LRRC28: variants seen among roughly 807,000 people sequenced by gnomAD.
The protein encoded by LRRC28 is leucine-rich repeat-containing protein 28.
LRRC28 carries 39 observed loss-of-function variants against 45.7 expected under a neutral mutation model. The observed-to-expected ratio is 0.85, with a 90% CI of 0.66 to 1.12. The LOEUF (loss-of-function observed/expected upper bound fraction) is 1.12, where lower values mean the gene tolerates loss of function less well. LRRC28 is among the 50% of genes most tolerant of loss of function. The probability of loss-of-function intolerance (pLI) is 0.00; values close to 1 mark genes in which losing one functional copy is unlikely to be tolerated. For synonymous variants in LRRC28, 206 were observed against 178.8 expected, an observed-to-expected ratio of 1.15 and a Z score of -1.22; for missense variants, 435 against 438.5, an observed-to-expected ratio of 0.99 and a Z score of 0.07.
intron 5 of LRRC28, among the ~76,000 whole-genome samples, chr15:99,309,443 C>G (rs1287352351): frequency 1.3e-5 from 2 of 152,140 alleles, no homozygotes; most frequent in Non-Finnish European, 2.9e-5. Context: ...GAGTCTCGCT[C>G]TGTCGCCAAG....
At chr15:99,326,154 C>G (rs1955968755) in intron 5 of LRRC28, among the ~76,000 whole-genome samples, 1 of 151,746 alleles carries the variant, frequency 6.6e-6, no homozygotes, top group African/African-American at 2.4e-5. Flanking sequence ...CAGTGGTGTT[C>G]CCAGATTTGG....
chr15:99,282,179 T>TTTTTTTTTTTTTTTTTTTTTTTTTTTTTG (rs1298401897), intron 3 of LRRC28, among the ~76,000 whole-genome samples: 1 of 135,460 alleles, frequency 7.4e-6, no homozygotes, highest in African/African-American at 2.8e-5. Context: ...TTTTGGAGGT[T>TTTTTTTTTTTTTTTTTTTTTTTTTTTTTG]TTTTTTTTTT....
chr15:99,335,636 C>A (rs555112560), intron 6 of LRRC28, among the ~76,000 whole-genome samples: 1 of 152,222 alleles, frequency 6.6e-6, no homozygotes, highest in Admixed American at 6.5e-5. Flanking sequence ...CCACTGCACT[C>A]CAGCCTGGGC....
chr15:99,383,971 A>G (rs539169765), intron 9 of LRRC28, among the ~76,000 whole-genome samples: 1 of 152,274 alleles, frequency 6.6e-6, no homozygotes, highest in South Asian at 2.1e-4. Context: ...GCCTGATCCA[A>G]TCTTACATTC....
chr15:99,290,047 C>G (rs564220178), intron 5 of LRRC28, among the ~76,000 whole-genome samples: 53 of 149,518 alleles, frequency 3.5e-4, no homozygotes, highest in Admixed American at 3.5e-3. Context: ...CACCTGAGGT[C>G]AGGAGTTCGA....
At chr15:99,369,335 A>G (rs1332272863) in intron 9 of LRRC28, among the ~76,000 whole-genome samples, 1 of 152,144 alleles carries the variant, frequency 6.6e-6, no homozygotes, top group East Asian at 1.9e-4. Context: ...GGTATTTGTC[A>G]CAGCAGCATC....
chr15:99,281,671 A>G (rs2081796547), intron 3 of LRRC28, among the ~76,000 whole-genome samples: 1 of 152,098 alleles, frequency 6.6e-6, no homozygotes, highest in East Asian at 1.9e-4. Flanking sequence ...TAAAGTTTGC[A>G]TTTTTGAGAG....
chr15:99,361,203 C>A (rs1957190094), intron 7 of LRRC28, 133 bp from the exon 8 acceptor site: 3 of 1,114,554 alleles, frequency 2.7e-6, no homozygotes, highest in South Asian at 3.4e-5. Context: ...AGCATCTGTT[C>A]ACTTTGAAAA....
At chr15:99,317,303 T>A (rs1201444637) in intron 5 of LRRC28, among the ~76,000 whole-genome samples, 1 of 152,206 alleles carries the variant, frequency 6.6e-6, no homozygotes, top group African/African-American at 2.4e-5. Context: ...TTTTCCAAAC[T>A]TTCTTTACAT....
chr15:99,279,471 G>A (rs1450794293), intron 3 of LRRC28, among the ~76,000 whole-genome samples: 1 of 152,214 alleles, frequency 6.6e-6, no homozygotes, highest in Admixed American at 6.5e-5. Context: ...TACTCAGACG[G>A]AATAAAGACA....
chr15:99,271,741 C>G (rs890190352), intron 2 of LRRC28, among the ~76,000 whole-genome samples: 1 of 152,082 alleles, frequency 6.6e-6, no homozygotes, highest in African/African-American at 2.4e-5. Flanking sequence ...GTACTATAGG[C>G]GCATGCCACC....
rs778658681 is a variant in LRRC28 at position 99,352,383 on chromosome 15, C to G, written c.607C>G (p.Arg203Gly). ...AFLPLDLGRS[R>G]ELQYVYVDNN... ...TTCTAATCCAGATTTAGGTCGATCT[C>G]GAGAACTACAGTATGTATACGTGGA... The change falls in exon 7 of 10, where the codon CGA becomes GGA. Residue 203 changes from arginine (R) to glycine (G), a missense_variant. Physicochemically the swap from Arg to Gly is moderately radical, Grantham distance 125 (BLOSUM62 -2). Transcript: ENST00000301981. The G allele has an allele frequency of 1.2e-6, 2 of 1,612,934 alleles. No homozygotes were observed. The highest frequency in any genetic ancestry group is 1.7e-6 in the Non-Finnish European group (2 of 1,179,524).
chr15:99,368,186 C>G (rs1463501835), intron 9 of LRRC28, among the ~76,000 whole-genome samples: 1 of 152,172 alleles, frequency 6.6e-6, no homozygotes. Flanking sequence ...CAGCATCAAC[C>G]CTTAAGTTCA....
At chr15:99,254,552 A>G (rs1431223646) in intron 1 of LRRC28, among the ~76,000 whole-genome samples, 1 of 152,232 alleles carries the variant, frequency 6.6e-6, no homozygotes, top group Non-Finnish European at 1.5e-5. Flanking sequence ...CTTTAAGCAG[A>G]GCTCAACTTC....
At chr15:99,382,613 T>C (rs1238683096) in intron 9 of LRRC28, among the ~76,000 whole-genome samples, 9 of 152,224 alleles carry the variant, frequency 5.9e-5, no homozygotes, top group Admixed American at 5.9e-4. Context: ...TTGTCTGATA[T>C]CTTTTAAATT....
chr15:99,301,303 C>G (rs1478404234), intron 5 of LRRC28, among the ~76,000 whole-genome samples: 3 of 152,132 alleles, frequency 2.0e-5, no homozygotes, highest in African/African-American at 4.8e-5. Context: ...TTTTGAGACT[C>G]TTAATAAAAT....
chr15:99,265,823 A>G (rs28482159), intron 2 of LRRC28, among the ~76,000 whole-genome samples: 3,092 of 152,296 alleles, frequency 0.02, 96 homozygotes, highest in African/African-American at 0.07. Flanking sequence ...AAAGGCCACA[A>G]GAGACTTGGA....
At chr15:99,309,445 G>C (rs1313617816) in intron 5 of LRRC28, among the ~76,000 whole-genome samples, 1 of 152,086 alleles carries the variant, frequency 6.6e-6, no homozygotes, top group Admixed American at 6.6e-5. Flanking sequence ...GTCTCGCTCT[G>C]TCGCCAAGGC....
intron 8 of LRRC28, among the ~76,000 whole-genome samples, chr15:99,362,256 A>C (rs1450167436): frequency 1.3e-5 from 2 of 152,214 alleles, no homozygotes; most frequent in Non-Finnish European, 2.9e-5. Flanking sequence ...GTGCAAAGTT[A>C]AGTTGGTTTT....
Sources: allele counts gnomAD v4.1 joint callset (sites outside exome capture counted in the v4.1 genomes callset), GRCh38; gene constraint gnomAD v4.1.1; transcripts MANE v1.5; gene names NCBI Gene and HGNC (gene_info 2026-07-23, HGNC 2026-07-21).